Variants in WDPCP observed in about 807,000 individuals in gnomAD.
WDPCP encodes WD repeat containing planar cell polarity effector.
In WDPCP, 71 loss-of-function variants were observed where a neutral mutation model predicts 93.1. That is an observed-to-expected ratio of 0.76 (90% CI 0.63 to 0.93). WDPCP has a LOEUF of 0.93. WDPCP is among the 40% of genes least tolerant of loss of function. The pLI is 0.00. For missense variants in WDPCP, 844 were observed against 887.4 expected (o/e 0.95, Z 0.62); for synonymous variants, 315 against 315.0 (o/e 1.00, Z 0.00).
At chr2:63,150,245 G>C (rs749148764) in intron 17 of WDPCP, among the ~76,000 whole-genome samples, 1 of 152,144 alleles carries the variant, frequency 6.6e-6, no homozygotes, top group Non-Finnish European at 1.5e-5. Context: ...GTGGCTTTCA[G>C]AGAGGTGATG....
intron 17 of WDPCP, among the ~76,000 whole-genome samples, chr2:63,145,845 A>T (rs1418833932): frequency 6.6e-6 from 1 of 152,130 alleles, no homozygotes; most frequent in Non-Finnish European, 1.5e-5. Context: ...ATGAGCATGG[A>T]ATGTTTTTCC....
intron 2 of WDPCP, among the ~76,000 whole-genome samples, chr2:63,790,700 T>A (rs886231978): frequency 1.3e-5 from 2 of 152,170 alleles, no homozygotes; most frequent in African/African-American, 4.8e-5. Context: ...TAACTGATGA[T>A]GAAATAAAGG....
chr2:63,643,727 C>A, intron 3 of WDPCP: 1 of 515,766 alleles, frequency 1.9e-6, no homozygotes. Flanking sequence ...GCAGAGTGAC[C>A]CTTGGTGTCA....
At chr2:63,376,735 A>T (rs1002965162) in intron 12 of WDPCP, among the ~76,000 whole-genome samples, 17 of 152,082 alleles carry the variant, frequency 1.1e-4, no homozygotes, top group Admixed American at 5.9e-4. Context: ...TTCATAGAAG[A>T]CAGCCTCATT....
intron 1 of WDPCP, among the ~76,000 whole-genome samples, chr2:63,818,886 T>C (rs1302604547): frequency 6.6e-6 from 1 of 152,178 alleles, no homozygotes; most frequent in Non-Finnish European, 1.5e-5. Flanking sequence ...GGCTGCAATG[T>C]TCTATTTTGC....
intron 2 of WDPCP, among the ~76,000 whole-genome samples, chr2:63,725,076 G>A (rs1357700647): frequency 6.6e-6 from 1 of 152,142 alleles, no homozygotes; most frequent in Admixed American, 6.5e-5. Flanking sequence ...GTTCAGAGGG[G>A]ACACGTGCAG....
chr2:63,388,055 A>T (rs1692891670), intron 10 of WDPCP, among the ~76,000 whole-genome samples: 1 of 152,182 alleles, frequency 6.6e-6, no homozygotes, highest in Non-Finnish European at 1.5e-5. Context: ...TGCCCAAAGC[A>T]ATTTACAGAT....
chr2:63,628,522 AAGAC>A (rs1290497589), intron 3 of WDPCP, among the ~76,000 whole-genome samples: 2 of 152,230 alleles, frequency 1.3e-5, no homozygotes, highest in Admixed American at 6.5e-5. Context: ...AGGAAAAACT[AAGAC>A]AGAGTGATCT....
At chr2:63,164,104 T>C (rs1559166847) in intron 15 of WDPCP, among the ~76,000 whole-genome samples, 1 of 152,208 alleles carries the variant, frequency 6.6e-6, no homozygotes, top group East Asian at 1.9e-4. Flanking sequence ...CAATAAATAA[T>C]TTTAGACCTT....
At chr2:63,135,963 C>A (rs1054901594) in intron 17 of WDPCP, among the ~76,000 whole-genome samples, 2 of 152,056 alleles carry the variant, frequency 1.3e-5, no homozygotes, top group African/African-American at 4.8e-5. Flanking sequence ...AAACTCCAGG[C>A]CTTAAGTAAT....
At chr2:63,206,650 G>A (rs1676358025) in intron 14 of WDPCP, among the ~76,000 whole-genome samples, 1 of 151,870 alleles carries the variant, frequency 6.6e-6, no homozygotes, top group African/African-American at 2.4e-5. Flanking sequence ...ATGGAGTTTT[G>A]CCATGTTGCG....
At chr2:63,783,384 C>T (rs998835622) in intron 2 of WDPCP, among the ~76,000 whole-genome samples, 2 of 151,954 alleles carry the variant, frequency 1.3e-5, no homozygotes, top group Non-Finnish European at 1.5e-5. Context: ...CGCACCACTG[C>T]ACCACAGTCT....
chr2:63,223,964 C>CT (rs1678061163), intron 14 of WDPCP, among the ~76,000 whole-genome samples: 1 of 152,072 alleles, frequency 6.6e-6, no homozygotes, highest in African/African-American at 2.4e-5. Flanking sequence ...ATTTCCAGCA[C>CT]TGTAAGTCTT....
chr2:63,827,500 T>C (rs941578165), intron 1 of WDPCP: 1 of 152,004 alleles, frequency 6.6e-6, no homozygotes, highest in African/African-American at 2.4e-5. Context: ...TCATGGATTC[T>C]ATAATAATTT....
intron 3 of WDPCP, among the ~76,000 whole-genome samples, chr2:63,601,019 T>G (rs1308935313): frequency 6.6e-6 from 1 of 152,214 alleles, no homozygotes; most frequent in Non-Finnish European, 1.5e-5. Context: ...AGAGATACTT[T>G]GTCCTGGTGC....
intron 6 of WDPCP, among the ~76,000 whole-genome samples, chr2:63,454,383 T>C (rs867290003): frequency 6.6e-6 from 1 of 151,612 alleles, no homozygotes; most frequent in Non-Finnish European, 1.5e-5. Context: ...GGGATAGCAT[T>C]GGGAGAAATA....
chr2:63,299,727 T>G (rs1045214552), intron 13 of WDPCP, among the ~76,000 whole-genome samples: 2 of 152,120 alleles, frequency 1.3e-5, no homozygotes, highest in Non-Finnish European at 2.9e-5. Context: ...CTCTGCGACA[T>G]TACATTTAAC....
At chr2:63,461,271 A>G (rs1698988216) in intron 6 of WDPCP, among the ~76,000 whole-genome samples, 1 of 152,192 alleles carries the variant, frequency 6.6e-6, no homozygotes, top group African/African-American at 2.4e-5. Flanking sequence ...TTTGGGTCAC[A>G]GAGGCAGATT....
chr2:63,708,083 C>T (rs1187220832), intron 2 of WDPCP, among the ~76,000 whole-genome samples: 2 of 152,198 alleles, frequency 1.3e-5, no homozygotes, highest in Non-Finnish European at 2.9e-5. Context: ...CAGGGAACCA[C>T]TTGAGGAGGC....
Sources: gnomAD v4.1 joint callset for allele counts (sites outside exome capture counted in the v4.1 genomes callset) on GRCh38, gnomAD v4.1.1 for gene constraint, MANE v1.5 for transcripts, NCBI Gene and HGNC (gene_info 2026-07-23, HGNC 2026-07-21) for gene names.